The following PCDHGA1 variants were observed in gnomAD, a reference collection of about 807,000 sequenced individuals.
PCDHGA1 encodes protocadherin gamma subfamily A, 1.
In PCDHGA1, 32 loss-of-function variants were observed where a neutral mutation model predicts 58.0. The observed-to-expected ratio is 0.55, with a 90% CI of 0.42 to 0.74. The LOEUF (loss-of-function observed/expected upper bound fraction) is 0.74, where lower values mean the gene tolerates loss of function less well. Ranked by LOEUF, PCDHGA1 falls within the 30% of genes least tolerant of loss-of-function variation. The pLI is 0.00. For synonymous variants in PCDHGA1, 498 were observed against 501.1 expected (o/e 0.99, Z 0.08); for missense variants, 1,205 against 1,182.3 (o/e 1.02, Z -0.28).
intron 1 of PCDHGA1, chr5:141,371,689 T>C: frequency 6.2e-7 from 1 of 1,613,982 alleles, no homozygotes; most frequent in Non-Finnish European, 8.5e-7. Flanking sequence ...AATCCACCGC[T>C]CTCCTCCAGC....
At chr5:141,387,099 T>C (rs997819435) in intron 1 of PCDHGA1, among the ~76,000 whole-genome samples, 3 of 152,210 alleles carry the variant, frequency 2.0e-5, no homozygotes, top group Admixed American at 1.3e-4. Context: ...GAAATGAGAA[T>C]CACATAATAT....
chr5:141,470,021 C>T (rs111919483), intron 1 of PCDHGA1, among the ~76,000 whole-genome samples: 8 of 152,156 alleles, frequency 5.3e-5, no homozygotes, highest in African/African-American at 1.9e-4. Flanking sequence ...CCCAGCTACT[C>T]GGGATGCTGA....
intron 1 of PCDHGA1, among the ~76,000 whole-genome samples, chr5:141,406,226 A>G (rs888434232): frequency 4.6e-5 from 7 of 152,108 alleles, no homozygotes; most frequent in African/African-American, 1.7e-4. Flanking sequence ...TGGGAGGGCT[A>G]GCAAGCTATG....
chr5:141,409,961 C>G (rs538942740), intron 1 of PCDHGA1: 26 of 1,613,442 alleles, frequency 1.6e-5, no homozygotes, highest in Admixed American at 8.3e-5. Context: ...GCCCGGCTAC[C>G]TAGTGACTAA....
At position 141,332,136 on chromosome 5, in the gene PCDHGA1, T is replaced by C. The variant is rs1267534312; in HGVS notation, c.1452T>C (p.Asn484=). The C allele has an allele frequency of 6.2e-7, 1 of 1,614,160 alleles. No individual in the cohort carries two copies. Among genetic ancestry groups the C allele is most frequent in the South Asian group, 1.1e-5 (1 of 91,082 alleles). The change falls in exon 1 of 4, where the codon AAT becomes AAC. Residue 484 remains asparagine, a synonymous_variant. Transcript: ENST00000517417. This position sits in a 1 kb window ranked among gnomAD's most constrained non-coding sequence, Gnocchi z 4.6. ...VRAHDLDSNE[N]AQITYSLIED... ...CCCACGACTTGGACAGCAATGAGAA[T>C]GCACAAATCACTTACTCCCTAATAG...
chr5:141,356,479 C>G, intron 1 of PCDHGA1: 1 of 1,613,936 alleles, frequency 6.2e-7, no homozygotes. Context: ...TGCCACTGAC[C>G]AGGGAACTCC....
intron 1 of PCDHGA1, among the ~76,000 whole-genome samples, chr5:141,381,823 C>CA (rs1777504204): frequency 2.0e-5 from 2 of 101,610 alleles, no homozygotes; most frequent in African/African-American, 8.6e-5. Flanking sequence ...TTTCTTTCTT[C>CA]TTCTTTTTTT....
At position 141,499,506 on chromosome 5, in the gene PCDHGA1, CA is replaced by C. The variant is rs759983739; in HGVS notation, c.2480+4644del. Among the ~76,000 whole-genome samples, 6 of 152,086 alleles carry C rather than the reference CA, an allele frequency of 3.9e-5. No homozygotes were observed. The South Asian group carries it at 1.0e-3, about 26-fold the overall frequency. On this transcript the variant is annotated intron_variant, in intron 2 of 3. Coordinates refer to ENST00000517417, the MANE Select transcript of PCDHGA1 (RefSeq NM_018912.3). Reference sequence around the variant, plus strand: ...AACTACAGTTTAATATGAAACATTTCAAATATGTACAAAAGTAGAGAGAATG... The same window carrying C: ...AACTACAGTTTAATATGAAACATTTCAATATGTACAAAAGTAGAGAGAATG...
At position 141,486,891 on chromosome 5, in the gene PCDHGA1, G is replaced by A. The variant is rs201201426; in HGVS notation, c.2422-7916G>A. 38 of 1,614,118 alleles carry A rather than the reference G, an allele frequency of 2.4e-5. No individual in the cohort carries two copies. The highest frequency in any genetic ancestry group is 3.1e-5 in the Non-Finnish European group (37 of 1,180,064). Reference sequence around the variant, plus strand: ...GTGCTCCGTCCTCGGGCCCGGCCTGGTTCCTTATGTCCCCAAGCACTGCCT... The same window carrying A: ...GTGCTCCGTCCTCGGGCCCGGCCTGATTCCTTATGTCCCCAAGCACTGCCT... On this transcript the variant is annotated intron_variant, in intron 1 of 3. Coordinates refer to ENST00000517417, the MANE Select transcript of PCDHGA1 (RefSeq NM_018912.3). This position sits in a 1 kb window ranked among gnomAD's most constrained non-coding sequence, Gnocchi z 5.0.
rs902790467 is a variant in PCDHGA1 at position 141,395,519 on chromosome 5, C to A, written c.2421+62414C>A. 1.5e-5 allele frequency: 6 copies of A among 409,366 alleles called. 1 individual carries two copies. The highest frequency in any genetic ancestry group is 1.3e-4 in the African/African-American group (6 of 47,696). The allele number at this position is 409,366 out of a possible 1,614,324, so 25.4% of individuals were successfully genotyped here. On this transcript the variant is annotated intron_variant, in intron 1 of 3. Transcript: ENST00000517417. ...TTCACTTAAGAAGTAGCTACCCGTC[C>A]ATACTGGTAATTTTGCTATTGTTTG...
intron 1 of PCDHGA1, chr5:141,408,803 G>T: frequency 6.2e-7 from 1 of 1,613,150 alleles, no homozygotes; most frequent in South Asian, 1.1e-5. Flanking sequence ...GAAACTCCTA[G>T]ACCGGGAAGA....
intron 3 of PCDHGA1, among the ~76,000 whole-genome samples, chr5:141,508,752 C>G (rs2099871515): frequency 6.6e-6 from 1 of 152,028 alleles, no homozygotes. Flanking sequence ...CGCTCTTTCT[C>G]TGGCGCCTCT....
In PCDHGA1 at chr5:141,399,103, C is replaced by G. The variant is rs376000100; in HGVS notation, c.2421+65998C>G. The G allele has an allele frequency of 1.6e-5, 26 of 1,613,722 alleles. No homozygotes were observed. The South Asian group carries it at 2.9e-4, about 18-fold the overall frequency. On this transcript the variant is annotated intron_variant, in intron 1 of 3. Transcript: ENST00000517417. ...GAGGGATGGTGGTGGACTGGTTGCA[C>G]AATGTACAGTTGAAATTAATATTCA... is the stretch of plus-strand genomic sequence containing the variant.
At chr5:141,351,426 A>G in intron 1 of PCDHGA1, 1 of 1,611,328 alleles carries the variant, frequency 6.2e-7, no homozygotes, top group Non-Finnish European at 8.5e-7. Flanking sequence ...GTTCCTTTCA[A>G]ATTAGAATCC....
Position 141,399,399 on chromosome 5 carries a change from C to T in PCDHGA1, c.2421+66294C>T, listed in dbSNP as rs1282174658. 1.9e-6 allele frequency: 3 copies of T among 1,613,902 alleles called. No individual in the cohort carries two copies. The Admixed American group carries it at 5.0e-5, about 27-fold the overall frequency. The stretch of plus-strand genomic sequence containing the variant: ...TCACCATCACAGCCACAGACAGGGG[C>T]AAGCCGCCCCTCTCCTCCAGCATAA... On this transcript the variant is annotated intron_variant, in intron 1 of 3. Transcript: ENST00000517417.
At position 141,493,774 on chromosome 5, in the gene PCDHGA1, C is replaced by T. The variant is rs2099749996; in HGVS notation, c.2422-1033C>T. On this transcript the variant is annotated intron_variant, in intron 1 of 3. Coordinates refer to ENST00000517417, the MANE Select transcript of PCDHGA1 (RefSeq NM_018912.3). The surrounding 1 kb of genome is among the most constrained non-coding windows in gnomAD (Gnocchi z 4.3). ...GCCTTGAGTGAGCCACTGGCAGTTC[C>T]GGAGCTTCCTTCTCCCTGGAGTAAT... Among the ~76,000 whole-genome samples, 1 of 152,258 alleles carries T rather than the reference C, an allele frequency of 6.6e-6. No homozygotes were observed. The highest frequency in any genetic ancestry group is 1.9e-4 in the East Asian group (1 of 5,176).
At chr5:141,506,306 G>A (rs539365378) in intron 3 of PCDHGA1, among the ~76,000 whole-genome samples, 4 of 152,040 alleles carry the variant, frequency 2.6e-5, no homozygotes, top group Non-Finnish European at 5.9e-5. Flanking sequence ...AAAATTAGCT[G>A]GGCATGGTGG....
chr5:141,505,443 C>A lies in PCDHGA1; in HGVS notation c.2531C>A (p.Thr844Lys). ...TGTWPNNQFD[T>K]EMLQAMILAS... ...ACCTGGCCCAACAACCAGTTTGACA[C>A]AGAGATGCTGCAAGCCATGATCTTG... Residue 844 changes from threonine to lysine, a missense_variant, in exon 3 of 4, where the codon ACA becomes AAA. Physicochemically the swap from Thr to Lys is moderately conservative, Grantham distance 78. Transcript: ENST00000517417. 2 of 1,614,224 alleles carry A rather than the reference C, an allele frequency of 1.2e-6. No homozygotes were observed. Among genetic ancestry groups the A allele is most frequent in the Non-Finnish European group, 8.5e-7 (1 of 1,180,042 alleles).
chr5:141,451,565 C>A (rs1336048717), intron 1 of PCDHGA1, among the ~76,000 whole-genome samples: 2 of 152,062 alleles, frequency 1.3e-5, no homozygotes, highest in South Asian at 2.1e-4. Flanking sequence ...AAGCCACAAT[C>A]TTTTTATAAA....
Sources: allele counts gnomAD v4.1 joint callset (sites outside exome capture counted in the v4.1 genomes callset), GRCh38; gene constraint gnomAD v4.1.1; non-coding constraint Gnocchi (gnomAD v3.1); transcripts MANE v1.5; gene names NCBI Gene and HGNC (gene_info 2026-07-23, HGNC 2026-07-21).